The following NR2C2 variants were observed in gnomAD, a reference collection of about 807,000 sequenced individuals.
NR2C2 encodes the protein nuclear receptor subfamily 2 group C member 2.
A neutral mutation model predicts 62.9 loss-of-function variants in NR2C2; 6 were observed. The ratio of observed to expected loss-of-function variants is 0.10; its 90% CI spans 0.05 to 0.19. The LOEUF (loss-of-function observed/expected upper bound fraction) is 0.19, where lower values mean the gene tolerates loss of function less well. Ranked by LOEUF, NR2C2 falls within the 10% of genes least tolerant of loss-of-function variation. The pLI is 1.00. For missense variants in NR2C2, 479 were observed against 762.7 expected, an observed-to-expected ratio of 0.63 and a Z score of 4.38; for synonymous variants, 272 against 273.8, an observed-to-expected ratio of 0.99 and a Z score of 0.07.
In NR2C2 at chr3:15,048,377, A is replaced by C. The variant is rs2042530249; in HGVS notation, c.*5369A>C. The C allele has an allele frequency of 6.6e-6, 1 of 152,654 alleles. No individual in the cohort carries two copies. Among genetic ancestry groups the C allele is most frequent in the Non-Finnish European group, 1.5e-5 (1 of 68,036 alleles). The allele number at this position is 152,654 out of a possible 1,614,324, so 9.5% of individuals were successfully genotyped here. ...TGAATTAAAAGTTTCCTTTGGGGCT[A>C]TTTAGCTTAACAGCAGTCTACAAAT... On this transcript the variant is annotated 3_prime_UTR_variant, in exon 14 of 14. Coordinates refer to ENST00000425241, the MANE Select transcript of NR2C2 (RefSeq NM_001291694.2).
intron 1 of NR2C2, among the ~76,000 whole-genome samples, chr3:14,977,963 AG>A (rs67780433): frequency 0.07 from 10,195 of 144,806 alleles, 396 homozygotes; most frequent in Middle Eastern, 0.099. Context: ...AAAAAAAAAA[AG>A]AAGAAGAAGA....
Position 14,952,468 on chromosome 3 carries a change from C to T in NR2C2, c.-40+4562C>T, listed in dbSNP as rs545372114. Among the ~76,000 whole-genome samples the T allele has an allele frequency of 5.9e-5, 9 of 152,276 alleles. No homozygotes were observed. In the East Asian group the frequency reaches 9.7e-4, roughly 16 times the overall value. On this transcript the variant is annotated intron_variant, in intron 1 of 13. Transcript: ENST00000425241. ...AAGTATCATCTTAAAAAATACCACA[C>T]GGGGGGAGTCCGTGAAGGAATCTTA...
intron 1 of NR2C2, among the ~76,000 whole-genome samples, chr3:14,998,470 G>A (rs181704121): frequency 5.9e-5 from 9 of 152,326 alleles, no homozygotes; most frequent in Admixed American, 1.3e-4. Context: ...TAGTGGATAT[G>A]AAGTGGTATC....
At chr3:14,963,773 C>T (rs577136082) in intron 1 of NR2C2, among the ~76,000 whole-genome samples, 2 of 152,096 alleles carry the variant, frequency 1.3e-5, no homozygotes, top group Non-Finnish European at 2.9e-5. Context: ...AGGGCAAAGA[C>T]ACAAATTTAC....
At chr3:14,981,602 CAAAAA>C (rs927608192) in intron 1 of NR2C2, among the ~76,000 whole-genome samples, 1 of 37,686 alleles carries the variant, frequency 2.7e-5, no homozygotes, top group African/African-American at 1.3e-4. Context: ...GGCTCTGTCT[CAAAAA>C]AAAAAAAAAA....
intron 1 of NR2C2, among the ~76,000 whole-genome samples, chr3:14,992,696 T>TA (rs781387028): frequency 6.6e-6 from 1 of 152,188 alleles, no homozygotes; most frequent in Non-Finnish European, 1.5e-5. Flanking sequence ...ATTTAGTGTT[T>TA]AATAAAACAT....
At chr3:15,040,441 C>T (rs1480910556) in intron 13 of NR2C2, among the ~76,000 whole-genome samples, 2 of 152,236 alleles carry the variant, frequency 1.3e-5, no homozygotes, top group African/African-American at 4.8e-5. Flanking sequence ...CCCACCTTCC[C>T]GACATGTGTC....
intron 1 of NR2C2, among the ~76,000 whole-genome samples, chr3:14,966,496 AG>A (rs760499757): frequency 3.9e-5 from 6 of 152,202 alleles, no homozygotes; most frequent in Non-Finnish European, 7.3e-5. Flanking sequence ...CTGAGGTTGG[AG>A]GATCACTTGA....
chr3:15,018,862 A>G (rs1008407132), intron 4 of NR2C2, among the ~76,000 whole-genome samples: 2 of 151,904 alleles, frequency 1.3e-5, no homozygotes, highest in Admixed American at 6.6e-5. Context: ...TAAAAATACA[A>G]AAATTAGCTG....
At chr3:14,975,829 A>G (rs969197735) in intron 1 of NR2C2, among the ~76,000 whole-genome samples, 1 of 152,134 alleles carries the variant, frequency 6.6e-6, no homozygotes, top group Non-Finnish European at 1.5e-5. Flanking sequence ...CAGTGAAGCC[A>G]TGTGGTCCAG....
chr3:15,009,887 A>G (rs1037674302), intron 2 of NR2C2, among the ~76,000 whole-genome samples: 9 of 152,200 alleles, frequency 5.9e-5, no homozygotes, highest in African/African-American at 1.9e-4. Context: ...AGTCCTTGGC[A>G]TTCCTCGCTT....
chr3:15,039,560 G>C (rs1340498855), intron 13 of NR2C2, among the ~76,000 whole-genome samples: 1 of 152,178 alleles, frequency 6.6e-6, no homozygotes, highest in Admixed American at 6.5e-5. Context: ...TGTGTGGCCT[G>C]TTCTGGGGCT....
At position 15,028,743 on chromosome 3, in the gene NR2C2, C is replaced by T. The variant is rs1049663060; in HGVS notation, c.932+24C>T. ...CGGTACGAGCCCATGAGGATGGAGT[C>T]TCCCCTCCTCGCCTGGACACCCTCC... is the stretch of plus-strand genomic sequence containing the variant. On this transcript the variant is annotated intron_variant, in intron 8 of 13. Coordinates refer to ENST00000425241, the MANE Select transcript of NR2C2 (RefSeq NM_001291694.2). The T allele has an allele frequency of 4.4e-6, 7 of 1,608,434 alleles. No homozygotes were observed. In the Admixed American group the frequency reaches 1.0e-4, roughly 23 times the overall value.
chr3:15,043,132 C>T lies in NR2C2; in HGVS notation c.*124C>T. 6.9e-6 allele frequency: 6 copies of T among 864,494 alleles called. No individual in the cohort carries two copies. Among genetic ancestry groups the T allele is most frequent in the Non-Finnish European group, 9.9e-6 (6 of 605,536 alleles). The allele number at this position is 864,494 out of a possible 1,614,324, so 53.6% of individuals were successfully genotyped here. On this transcript the variant is annotated 3_prime_UTR_variant, in exon 14 of 14. Coordinates refer to ENST00000425241, the MANE Select transcript of NR2C2 (RefSeq NM_001291694.2). ...ATGTTAGCCATTTCCTGTCTGGTTTCTCCTTATCTGTTAATCCCAGACAAT... is the reference window on the plus strand; with the variant it reads ...ATGTTAGCCATTTCCTGTCTGGTTTTTCCTTATCTGTTAATCCCAGACAAT...
chr3:14,980,470 C>G (rs369827388), intron 1 of NR2C2, among the ~76,000 whole-genome samples: 352 of 152,186 alleles, frequency 2.3e-3, no homozygotes, highest in African/African-American at 8.0e-3. Context: ...GCCTAAAATT[C>G]TTACTCTTAA....
intron 11 of NR2C2, among the ~76,000 whole-genome samples, chr3:15,036,859 C>A (rs146435213): frequency 9.9e-5 from 15 of 152,084 alleles, no homozygotes; most frequent in Admixed American, 3.9e-4. Context: ...TGGTGGCTTA[C>A]GCCTGTAATC....
intron 2 of NR2C2, among the ~76,000 whole-genome samples, chr3:15,007,489 T>C (rs1473290890): frequency 6.6e-6 from 1 of 152,226 alleles, no homozygotes. Flanking sequence ...ACCTGATCTT[T>C]TCCCTCATAA....
chr3:14,968,149 A>G (rs2039916654), intron 1 of NR2C2, among the ~76,000 whole-genome samples: 1 of 152,230 alleles, frequency 6.6e-6, no homozygotes, highest in South Asian at 2.1e-4. Flanking sequence ...GGATCTAATT[A>G]AGCTAAAGAG....
chr3:15,018,409 C>T (rs1403094797), intron 4 of NR2C2, among the ~76,000 whole-genome samples: 1 of 151,390 alleles, frequency 6.6e-6, no homozygotes, highest in Non-Finnish European at 1.5e-5. Context: ...AACTCGACAG[C>T]AAAAAAAACA....
Sources: allele counts gnomAD v4.1 joint callset (sites outside exome capture counted in the v4.1 genomes callset), GRCh38; gene constraint gnomAD v4.1.1; transcripts MANE v1.5; gene names NCBI Gene and HGNC (gene_info 2026-07-23, HGNC 2026-07-21).